The following PMPCB variants were observed in gnomAD, a reference collection of about 807,000 sequenced individuals.
The protein encoded by PMPCB is peptidase, mitochondrial processing subunit beta.
A neutral mutation model predicts 61.5 loss-of-function variants in PMPCB; 46 were observed. The observed-to-expected ratio is 0.75, with a 90% CI of 0.59 to 0.96. PMPCB has a LOEUF of 0.96. PMPCB is among the 40% of genes least tolerant of loss of function. PMPCB has a pLI of 0.00. For missense variants in PMPCB, 590 were observed against 602.4 expected, an observed-to-expected ratio of 0.98 and a Z score of 0.22; for synonymous variants, 191 against 201.6, an observed-to-expected ratio of 0.95 and a Z score of 0.44.
At chr7:103,344,219 C>G in the PMPCB span, 1 of 326,768 alleles carries the variant, frequency 3.1e-6, no homozygotes, top group East Asian at 5.4e-5. Context: ...GTGCTCGCTG[C>G]GCGTAGTCTT....
intron 12 of PMPCB, chr7:103,324,543 C>T (rs1563463909): frequency 2.7e-6 from 4 of 1,486,098 alleles, no homozygotes; most frequent in Non-Finnish European, 3.6e-6. Flanking sequence ...AGTTTAGGAA[C>T]ATTTTTTTTA....
intron 12 of PMPCB, chr7:103,323,726 G>A (rs1363971007): frequency 8.4e-7 from 1 of 1,195,262 alleles, no homozygotes. Flanking sequence ...TCTTTTTAAT[G>A]CAAGTGAATG....
At chr7:103,346,066 T>C in the PMPCB span, among the ~76,000 whole-genome samples, 1 of 152,140 alleles carries the variant, frequency 6.6e-6, no homozygotes, top group African/African-American at 2.4e-5. Flanking sequence ...TTCATATTAA[T>C]ATATTTTTTT....
chr7:103,308,614 G>T (rs935884549), intron 7 of PMPCB, among the ~76,000 whole-genome samples: 1 of 151,894 alleles, frequency 6.6e-6, no homozygotes, highest in Non-Finnish European at 1.5e-5. Flanking sequence ...GTGAGACTCT[G>T]TCTCAAAAAA....
At chr7:103,334,369 C>G (rs1260380660), downstream of PMPCB, among the ~76,000 whole-genome samples, 1 of 151,522 alleles carries the variant, frequency 6.6e-6, no homozygotes, top group Non-Finnish European at 1.5e-5. Flanking sequence ...CGAGACCAGC[C>G]TGGTCAACGT....
chr7:103,313,018 G>T lies in PMPCB; in HGVS notation c.*747G>T, dbSNP rs747301944. ...TCTGCTATTTTTTCCCATCTTTCAGGTGTATTTACTGGGTATGTTTTCAAA... is the reference window on the plus strand; with the variant it reads ...TCTGCTATTTTTTCCCATCTTTCAGTTGTATTTACTGGGTATGTTTTCAAA... On this transcript the variant is annotated 3_prime_UTR_variant, in exon 13 of 13. Coordinates refer to ENST00000249269, the MANE Select transcript of PMPCB (RefSeq NM_004279.3). 2.2e-5 allele frequency: 35 copies of T among 1,613,786 alleles called. No homozygotes were observed. Among genetic ancestry groups the T allele is most frequent in the Non-Finnish European group, 3.0e-5 (35 of 1,179,930 alleles).
At chr7:103,340,208 CA>C in the PMPCB span, among the ~76,000 whole-genome samples, 1 of 152,332 alleles carries the variant, frequency 6.6e-6, no homozygotes, top group South Asian at 2.1e-4. Flanking sequence ...AGTATTTCTT[CA>C]AATAACAAAG....
At chr7:103,310,588 CTAGA>C in intron 9 of PMPCB, 113 bp downstream of exon 9, 2 of 762,698 alleles carry the variant, frequency 2.6e-6, no homozygotes, top group Non-Finnish European at 4.0e-6. Context: ...ATTAAGAGAC[CTAGA>C]TAAACAGTAG....
the PMPCB span, chr7:103,341,693 G>A: frequency 3.4e-5 from 43 of 1,267,636 alleles, no homozygotes; most frequent in Non-Finnish European, 4.7e-5. Flanking sequence ...TTTATTAATG[G>A]AAAACTCATA....
Position 103,302,199 on chromosome 7 carries a change from A to C in PMPCB, c.458-1643A>C, listed in dbSNP as rs185005636. On this transcript the variant is annotated intron_variant, in intron 4 of 12. Transcript: ENST00000249269. ...CCACATTTTCTTAATCCAGTCTATC[A>C]TTGATGGACATTTGGGTTGGTTCCA... Among the ~76,000 whole-genome samples, 770 of 152,294 alleles carry C rather than the reference A, an allele frequency of 5.1e-3. 8 individuals carry two copies. The highest frequency in any genetic ancestry group is 0.017 in the African/African-American group (714 of 41,556).
downstream of PMPCB, among the ~76,000 whole-genome samples, chr7:103,317,984 T>C (rs1818164673): frequency 6.6e-6 from 1 of 152,186 alleles, no homozygotes; most frequent in Non-Finnish European, 1.5e-5. Context: ...TTCTTGTAAC[T>C]AGTTACATCT....
chr7:103,311,977 G>T, intron 11 of PMPCB, 79 bp from the exon 12 acceptor site: 1 of 1,529,928 alleles, frequency 6.5e-7, no homozygotes, highest in Non-Finnish European at 8.9e-7. Context: ...CTTTCATCTT[G>T]CTTTAGTTTT....
chr7:103,304,619 G>A (rs186718357), intron 6 of PMPCB, 129 bp downstream of exon 6: 9 of 690,552 alleles, frequency 1.3e-5, no homozygotes, highest in African/African-American at 1.3e-4. Flanking sequence ...TAGTGTGTAA[G>A]GGGAATGTGG....
the PMPCB span, chr7:103,344,365 C>T: frequency 3.3e-6 from 2 of 610,986 alleles, no homozygotes; most frequent in Non-Finnish European, 5.7e-6. Flanking sequence ...GGAAGGCACC[C>T]CTCACCCTCC....
the PMPCB span, chr7:103,336,015 A>G: frequency 6.6e-6 from 1 of 152,242 alleles, no homozygotes; most frequent in Non-Finnish European, 1.5e-5. Context: ...GAAAAATACA[A>G]AATTAGCCGG....
chr7:103,301,186 G>C (rs938394996), intron 4 of PMPCB, among the ~76,000 whole-genome samples: 1 of 152,188 alleles, frequency 6.6e-6, no homozygotes, highest in African/African-American at 2.4e-5. Flanking sequence ...ACTTGCCCAG[G>C]ATTGCATAGC....
At chr7:103,319,478 A>G (rs1035166818), downstream of PMPCB, 15 of 956,624 alleles carry the variant, frequency 1.6e-5, no homozygotes, top group South Asian at 1.6e-4. Context: ...AACAACAACA[A>G]CAAAACAGTG....
At chr7:103,333,503 C>G (rs559121064), downstream of PMPCB, among the ~76,000 whole-genome samples, 88 of 152,280 alleles carry the variant, frequency 5.8e-4, no homozygotes, top group African/African-American at 2.0e-3. Context: ...TCTGATTCAG[C>G]GGAGATAAAA....
At chr7:103,324,811 A>G (rs540599405) in intron 12 of PMPCB, 4 of 255,508 alleles carry the variant, frequency 1.6e-5, no homozygotes, top group Non-Finnish European at 2.9e-5. Context: ...TTCTAATCAC[A>G]GGTTATCTTC....
Sources: gnomAD v4.1 joint callset for allele counts (sites outside exome capture counted in the v4.1 genomes callset) on GRCh38, gnomAD v4.1.1 for gene constraint, MANE v1.5 for transcripts, NCBI Gene and HGNC (gene_info 2026-07-23, HGNC 2026-07-21) for gene names.